MYLK: variants seen among roughly 807,000 people sequenced by gnomAD.
MYLK encodes myosin light chain kinase, also known as myosin light chain kinase, smooth muscle.
A neutral mutation model predicts 203.4 loss-of-function variants in MYLK; 106 were observed. The ratio of observed to expected loss-of-function variants is 0.52; its 90% CI spans 0.45 to 0.61. The LOEUF (loss-of-function observed/expected upper bound fraction) is 0.61. Among genes scored for constraint, MYLK ranks in the 20% least tolerant of loss-of-function variants. MYLK has a pLI of 0.00. For missense variants in MYLK, 2,072 were observed against 2,442.3 expected (o/e 0.85, Z 3.20); for synonymous variants, 867 against 959.5 (o/e 0.90, Z 1.78).
rs144760798 is a variant in MYLK, at chr3:123,644,119, T to G, written c.4619+3105A>C. ...CCCACTAGATCTGAAGCAACTGGAC[T>G]TAAGGCAGGGACCCTGGAATACATT... is the stretch of plus-strand genomic sequence containing the variant. On this transcript the variant is annotated intron_variant, in intron 27 of 33. Transcript: ENST00000360304. Among the ~76,000 whole-genome samples the G allele has an allele frequency of 1.9e-3, 296 of 152,336 alleles. 1 individual carries two copies. Among genetic ancestry groups the G allele is most frequent in the African/African-American group, 6.8e-3 (283 of 41,572 alleles).
intron 2 of MYLK, among the ~76,000 whole-genome samples, chr3:123,838,166 A>G (rs1253565724): frequency 1.3e-5 from 2 of 152,172 alleles, no homozygotes; most frequent in Non-Finnish European, 2.9e-5. Context: ...GAAAGAAACA[A>G]TCTTAAAGGC....
At chr3:123,869,237 G>A (rs2032564855) in intron 2 of MYLK, among the ~76,000 whole-genome samples, 4 of 152,140 alleles carry the variant, frequency 2.6e-5, no homozygotes, top group African/African-American at 7.2e-5. Flanking sequence ...ACATGAAAAG[G>A]TGGTGGTGTT....
chr3:123,859,836 C>G (rs888470885), intron 2 of MYLK, among the ~76,000 whole-genome samples: 6 of 152,152 alleles, frequency 3.9e-5, no homozygotes, highest in African/African-American at 1.2e-4. Context: ...TGACTGGTAT[C>G]TGTTTCTGGT....
At chr3:123,662,532 CAG>C (rs1393020096) in intron 23 of MYLK, among the ~76,000 whole-genome samples, 3 of 151,998 alleles carry the variant, frequency 2.0e-5, no homozygotes, top group Non-Finnish European at 2.9e-5. Flanking sequence ...ATCAGAATGT[CAG>C]AGAATAGAGT....
chr3:123,696,288 C>G (rs141643173), intron 18 of MYLK, among the ~76,000 whole-genome samples: 3 of 152,176 alleles, frequency 2.0e-5, no homozygotes, highest in African/African-American at 7.2e-5. Flanking sequence ...GTGCAAGAGT[C>G]TCTCGTGGCC....
intron 4 of MYLK, among the ~76,000 whole-genome samples, chr3:123,763,564 CCTT>C (rs567682077): frequency 1.2e-3 from 188 of 152,286 alleles, no homozygotes; most frequent in Non-Finnish European, 1.8e-3. Context: ...TAAGTGGAAA[CCTT>C]TTTTTTTCTT....
At chr3:123,620,357 T>C in intron 31 of MYLK, 21 bp from the exon 32 acceptor site, 1 of 1,613,938 alleles carries the variant, frequency 6.2e-7, no homozygotes, top group Non-Finnish European at 8.5e-7. Context: ...GACACGAGGG[T>C]TGGACTCAGG....
chr3:123,811,672 A>G (rs1207816001), intron 3 of MYLK, among the ~76,000 whole-genome samples: 1 of 152,140 alleles, frequency 6.6e-6, no homozygotes, highest in Non-Finnish European at 1.5e-5. Flanking sequence ...CTCTCTCGCC[A>G]ACAGTAACAA....
At chr3:123,815,579 G>C (rs1402133948) in intron 3 of MYLK, among the ~76,000 whole-genome samples, 4 of 152,068 alleles carry the variant, frequency 2.6e-5, no homozygotes, top group Non-Finnish European at 5.9e-5. Context: ...CCAACCTCAA[G>C]GTCCATCTCT....
intron 19 of MYLK, chr3:123,691,567 T>C (rs1393457732): frequency 1.3e-5 from 2 of 152,262 alleles, no homozygotes; most frequent in African/African-American, 4.8e-5. Context: ...CCATTCATCA[T>C]GTTCCATAGA....
intron 20 of MYLK, among the ~76,000 whole-genome samples, chr3:123,679,000 A>G (rs2108432910): frequency 6.6e-6 from 1 of 152,346 alleles, no homozygotes; most frequent in Middle Eastern, 3.4e-3. Context: ...GGAGAAAAGA[A>G]TGGGTGCAAA....
At chr3:123,647,157 G>A in intron 27 of MYLK, 67 bp downstream of exon 27, 3 of 1,449,806 alleles carry the variant, frequency 2.1e-6, no homozygotes, top group Non-Finnish European at 2.9e-6. Flanking sequence ...GGCTGGGGTA[G>A]GGCAGTAGGG....
intron 3 of MYLK, among the ~76,000 whole-genome samples, chr3:123,804,141 A>G (rs1222729744): frequency 6.6e-6 from 1 of 152,162 alleles, no homozygotes; most frequent in African/African-American, 2.4e-5. Flanking sequence ...GGTAAATGGA[A>G]TATACTCCCT....
intron 4 of MYLK, among the ~76,000 whole-genome samples, chr3:123,764,359 T>C (rs757644632): frequency 3.9e-5 from 6 of 152,122 alleles, no homozygotes; most frequent in Admixed American, 6.5e-5. Flanking sequence ...GACCTCATGG[T>C]AGAGGGATTG....
At chr3:123,879,678 G>T (rs2033397022) in intron 1 of MYLK, among the ~76,000 whole-genome samples, 1 of 152,070 alleles carries the variant, frequency 6.6e-6, no homozygotes, top group Non-Finnish European at 1.5e-5. Context: ...ACTGTCGCCT[G>T]GGCTGGAGTG....
At chr3:123,814,161 C>G in intron 3 of MYLK, 1 of 359,310 alleles carries the variant, frequency 2.8e-6, no homozygotes, top group Non-Finnish European at 5.6e-6. Context: ...CTCATGGGCC[C>G]TGTTCCTGTG....
chr3:123,701,569 G>T, intron 16 of MYLK, 60 bp from the exon 17 acceptor site: 4 of 1,545,260 alleles, frequency 2.6e-6, no homozygotes, highest in Non-Finnish European at 3.6e-6. Flanking sequence ...GGCCTGTTCA[G>T]TGTGGACTTG....
chr3:123,740,621 C>T (rs2062828166), intron 5 of MYLK, among the ~76,000 whole-genome samples: 1 of 152,240 alleles, frequency 6.6e-6, no homozygotes, highest in Admixed American at 6.5e-5. Flanking sequence ...CCACACTGAA[C>T]ACTGCCAGTC....
chr3:123,868,367 CT>C (rs2032485861), intron 2 of MYLK, among the ~76,000 whole-genome samples: 1 of 152,126 alleles, frequency 6.6e-6, no homozygotes, highest in South Asian at 2.1e-4. Context: ...AACAGTGTTA[CT>C]TATAATAGTG....
Sources: gnomAD v4.1 joint callset for allele counts (sites outside exome capture counted in the v4.1 genomes callset) on GRCh38, gnomAD v4.1.1 for gene constraint, MANE v1.5 for transcripts, NCBI Gene and HGNC (gene_info 2026-07-23, HGNC 2026-07-21) for gene names.